Variants in GRK5 observed in about 807,000 individuals in gnomAD.
GRK5 encodes the protein G protein-coupled receptor kinase 5, also known as g protein-coupled receptor kinase GRK5.
A neutral mutation model predicts 78.4 loss-of-function variants in GRK5; 40 were observed. The observed-to-expected ratio is 0.51, with a 90% CI of 0.40 to 0.66. The LOEUF (loss-of-function observed/expected upper bound fraction) is 0.66, where lower values mean the gene tolerates loss of function less well. Ranked by LOEUF, GRK5 falls within the 30% of genes least tolerant of loss-of-function variation. The probability of loss-of-function intolerance (pLI) is 0.00; values close to 1 mark genes in which losing one functional copy is unlikely to be tolerated. For synonymous variants in GRK5, 289 were observed against 296.8 expected, an observed-to-expected ratio of 0.97 and a Z score of 0.27; for missense variants, 598 against 759.9, an observed-to-expected ratio of 0.79 and a Z score of 2.50.
Position 119,431,319 on chromosome 10 carries a change from GC to G in GRK5, c.598-65del. 2.0e-6 allele frequency: 3 copies of G among 1,536,316 alleles called. No homozygotes were observed. Among genetic ancestry groups the G allele is most frequent in the South Asian group, 1.3e-5 (1 of 79,464 alleles). On this transcript the variant is annotated intron_variant, in intron 7 of 15. Transcript: ENST00000392870. The surrounding 1 kb of genome is among the most constrained non-coding windows in gnomAD (Gnocchi z 4.8). ...TCTACCTGGGAGGCCTGTGGTCCCC[GC>G]CCTGGAGGAGCTCGGGGCAGGCCTC...
chr10:119,255,532 C>A (rs1187605267), intron 1 of GRK5, among the ~76,000 whole-genome samples: 8 of 152,282 alleles, frequency 5.3e-5, no homozygotes, highest in African/African-American at 1.7e-4. Flanking sequence ...CCCAGATGCT[C>A]ACTTTGTACT....
At chr10:119,439,926 G>A (rs1032235382) in intron 10 of GRK5, among the ~76,000 whole-genome samples, 158 bp downstream of exon 10, 8 of 152,188 alleles carry the variant, frequency 5.3e-5, no homozygotes, top group Non-Finnish European at 8.8e-5. Context: ...AGCTGTGAGT[G>A]TGAACAGAGC....
At chr10:119,398,634 G>A (rs950680900) in intron 4 of GRK5, among the ~76,000 whole-genome samples, 2 of 152,254 alleles carry the variant, frequency 1.3e-5, no homozygotes, top group Non-Finnish European at 2.9e-5. Flanking sequence ...CCTTGTGTCA[G>A]GCACCACTGT....
At chr10:119,220,973 G>A (rs1367535820) in intron 1 of GRK5, among the ~76,000 whole-genome samples, 2 of 152,102 alleles carry the variant, frequency 1.3e-5, no homozygotes, top group Non-Finnish European at 2.9e-5. Context: ...GGCCAACATG[G>A]CAAAACCCTG....
chr10:119,261,333 G>A (rs1441621864), intron 1 of GRK5, among the ~76,000 whole-genome samples: 1 of 149,736 alleles, frequency 6.7e-6, no homozygotes, highest in African/African-American at 2.5e-5. Flanking sequence ...TCACTTCCTA[G>A]ATGGGATGGC....
chr10:119,218,451 T>C (rs1848610484), intron 1 of GRK5, among the ~76,000 whole-genome samples: 1 of 152,110 alleles, frequency 6.6e-6, no homozygotes, highest in Non-Finnish European at 1.5e-5. Context: ...CTGGCATGGG[T>C]CTTAGCACTG....
chr10:119,364,268 G>A (rs1178245016), intron 2 of GRK5, among the ~76,000 whole-genome samples: 1 of 152,222 alleles, frequency 6.6e-6, no homozygotes, highest in Non-Finnish European at 1.5e-5. Context: ...CCAGAAGGCA[G>A]CTGGGTCTGG....
chr10:119,372,439 C>G (rs1382350050), intron 2 of GRK5, among the ~76,000 whole-genome samples: 1 of 152,196 alleles, frequency 6.6e-6, no homozygotes, highest in Non-Finnish European at 1.5e-5. Context: ...TACTGCAAAG[C>G]CTTTGCATAT....
chr10:119,341,963 C>T (rs1004059065), intron 2 of GRK5, among the ~76,000 whole-genome samples: 9 of 152,198 alleles, frequency 5.9e-5, no homozygotes, highest in Admixed American at 2.6e-4. Flanking sequence ...GGCAGTGACC[C>T]CACTTTTCTC....
chr10:119,455,163 G>T lies in GRK5; in HGVS notation c.*96G>T. On this transcript the variant is annotated 3_prime_UTR_variant, in exon 16 of 16. Coordinates refer to ENST00000392870, the MANE Select transcript of GRK5 (RefSeq NM_005308.3). The stretch of plus-strand genomic sequence containing the variant: ...AGCCCCTGCTCTGGTGGGGCTGCCA[G>T]GGGAGACCCCGGGAGCCGGGGAAGG... The T allele has an allele frequency of 9.9e-7, 1 of 1,005,652 alleles. No individual in the cohort carries two copies. The highest frequency in any genetic ancestry group is 1.3e-5 in the South Asian group (1 of 78,008). The allele number at this position is 1,005,652 out of a possible 1,614,324, so 62.3% of individuals were successfully genotyped here.
chr10:119,333,858 A>G (rs143189689), intron 2 of GRK5: 59 of 532,118 alleles, frequency 1.1e-4, no homozygotes, highest in African/African-American at 8.1e-4. Context: ...AAATCAAGAA[A>G]GTTCCACAGG....
rs535784782 is a variant in GRK5 at position 119,273,785 on chromosome 10, C to CT, written c.53-52723dup. On this transcript the variant is annotated intron_variant, in intron 1 of 15. Coordinates refer to ENST00000392870, the MANE Select transcript of GRK5 (RefSeq NM_005308.3). Reference sequence around the variant, plus strand: ...TCTCCTTCCCTCAATCCTATGTGTTCTTTTTTTTGATGGAGTCTCGCTCTG... The same window carrying CT: ...TCTCCTTCCCTCAATCCTATGTGTTCTTTTTTTTTGATGGAGTCTCGCTCTG... Among the ~76,000 whole-genome samples, 396 of 151,992 alleles carry CT rather than the reference C, an allele frequency of 2.6e-3. 1 individual carries two copies. Among genetic ancestry groups the CT allele is most frequent in the Middle Eastern group, 0.01 (3 of 294 alleles).
At chr10:119,314,380 G>A (rs117329604) in intron 1 of GRK5, among the ~76,000 whole-genome samples, 228 of 152,300 alleles carry the variant, frequency 1.5e-3, no homozygotes, top group Middle Eastern at 0.01. Flanking sequence ...CCATTCCTTA[G>A]GTCTCTGAAG....
chr10:119,298,859 A>C (rs1850127534), intron 1 of GRK5, among the ~76,000 whole-genome samples: 3 of 145,770 alleles, frequency 2.1e-5, no homozygotes, highest in East Asian at 2.0e-4. Context: ...CACATCCCCC[A>C]CTCCTGGCCA....
intron 11 of GRK5, among the ~76,000 whole-genome samples, chr10:119,442,971 G>T (rs1466924452): frequency 1.3e-5 from 2 of 152,182 alleles, no homozygotes; most frequent in African/African-American, 4.8e-5. Context: ...GTGTGCATTT[G>T]CCTGGGTCTC....
chr10:119,386,864 G>A (rs529927662), intron 3 of GRK5, among the ~76,000 whole-genome samples: 9 of 152,310 alleles, frequency 5.9e-5, no homozygotes, highest in Non-Finnish European at 8.8e-5. Flanking sequence ...GTAGCGCCCC[G>A]GGTGCTGCCT....
chr10:119,248,616 G>A (rs1849150952), intron 1 of GRK5, among the ~76,000 whole-genome samples: 1 of 151,984 alleles, frequency 6.6e-6, no homozygotes, highest in African/African-American at 2.4e-5. Context: ...TAGGGCAGGG[G>A]GTGGCAAGCT....
At position 119,458,657 on chromosome 10, in the gene GRK5, G is replaced by C. The variant is rs1853437892; in HGVS notation, c.*3590G>C. 6.6e-6 allele frequency: 1 copy of C among 152,208 alleles called. No homozygotes were observed. The highest frequency in any genetic ancestry group is 6.5e-5 in the Admixed American group (1 of 15,286). The allele number at this position is 152,208 out of a possible 1,614,324, so 9.4% of individuals were successfully genotyped here. ...GCCTTTGCATTGACAGCACAAGTAG[G>C]ATCAGAGCCCAGGTGAGCCCCTGAG... On this transcript the variant is annotated 3_prime_UTR_variant, in exon 16 of 16. Transcript: ENST00000392870.
At chr10:119,243,081 A>G (rs1849052399) in intron 1 of GRK5, among the ~76,000 whole-genome samples, 1 of 152,226 alleles carries the variant, frequency 6.6e-6, no homozygotes. Context: ...TCTACTAAAA[A>G]TACAAAAATT....
Sources: allele counts gnomAD v4.1 joint callset (sites outside exome capture counted in the v4.1 genomes callset), GRCh38; gene constraint gnomAD v4.1.1; non-coding constraint Gnocchi (gnomAD v3.1); transcripts MANE v1.5; gene names NCBI Gene and HGNC (gene_info 2026-07-23, HGNC 2026-07-21).